The following PCDH15 variants were observed in gnomAD, a reference collection of about 807,000 sequenced individuals.
PCDH15 encodes the protein protocadherin-15.
PCDH15 carries 129 observed loss-of-function variants against 178.5 expected under a neutral mutation model. The ratio of observed to expected loss-of-function variants is 0.72; its 90% CI spans 0.63 to 0.84. The LOEUF is 0.84. Ranked by LOEUF, PCDH15 falls within the 40% of genes least tolerant of loss-of-function variation. The pLI is 0.00. For missense variants in PCDH15, 2,230 were observed against 2,099.9 expected (o/e 1.06, Z -1.21); for synonymous variants, 800 against 732.0 (o/e 1.09, Z -1.50).
intron 2 of PCDH15, among the ~76,000 whole-genome samples, chr10:55,160,086 CGCTACCAGT>C (rs1425847316): frequency 6.6e-6 from 1 of 151,996 alleles, no homozygotes; most frequent in Non-Finnish European, 1.5e-5. Flanking sequence ...GTCTCTGTTT[CGCTACCAGT>C]GAGAAGCGGC....
intron 9 of PCDH15, among the ~76,000 whole-genome samples, chr10:54,226,259 G>C (rs2053435892): frequency 6.6e-6 from 1 of 152,200 alleles, no homozygotes; most frequent in African/African-American, 2.4e-5. Context: ...GGCAAAGAGA[G>C]AGAGAGCTTC....
chr10:54,384,131 G>A (rs1216364501), intron 3 of PCDH15, among the ~76,000 whole-genome samples: 1 of 151,748 alleles, frequency 6.6e-6, no homozygotes, highest in Non-Finnish European at 1.5e-5. Flanking sequence ...ACTGCATCCA[G>A]CCAAAAATAT....
chr10:55,475,399 T>A (rs1209767269), intron 2 of PCDH15, among the ~76,000 whole-genome samples: 1 of 152,194 alleles, frequency 6.6e-6, no homozygotes, highest in African/African-American at 2.4e-5. Context: ...TTATAACAGA[T>A]AAGATGCCCA....
At chr10:55,410,232 G>A (rs1337882147) in intron 2 of PCDH15, among the ~76,000 whole-genome samples, 1 of 152,012 alleles carries the variant, frequency 6.6e-6, no homozygotes, top group African/African-American at 2.4e-5. Flanking sequence ...GAAATATAAT[G>A]TGAATTTTCT....
At chr10:55,234,875 T>C (rs1411427791) in intron 1 of PCDH15, among the ~76,000 whole-genome samples, 2 of 151,428 alleles carry the variant, frequency 1.3e-5, no homozygotes, top group Admixed American at 1.3e-4. Flanking sequence ...TTATATATTA[T>C]TTTTATTATC....
At chr10:54,579,888 A>G (rs772325342) in intron 2 of PCDH15, among the ~76,000 whole-genome samples, 11 of 152,110 alleles carry the variant, frequency 7.2e-5, no homozygotes, top group Non-Finnish European at 1.5e-4. Flanking sequence ...ACTTTCAGAT[A>G]AACAACGATA....
intron 28 of PCDH15, among the ~76,000 whole-genome samples, chr10:53,856,918 G>C (rs2133034955): frequency 6.6e-6 from 1 of 152,100 alleles, no homozygotes; most frequent in Middle Eastern, 3.4e-3. Context: ...CAGACATAAA[G>C]AAAGAAAATA....
intron 2 of PCDH15, among the ~76,000 whole-genome samples, chr10:55,435,872 A>G (rs1839026616): frequency 6.6e-6 from 1 of 152,176 alleles, no homozygotes; most frequent in Non-Finnish European, 1.5e-5. Context: ...AATTACTTGT[A>G]ATAGAGAAAT....
At chr10:55,142,516 T>C (rs1442183225) in intron 2 of PCDH15, among the ~76,000 whole-genome samples, 1 of 151,122 alleles carries the variant, frequency 6.6e-6, no homozygotes, top group Non-Finnish European at 1.5e-5. Context: ...CATTCACAGA[T>C]ATTTTAAACA....
chr10:53,965,869 AT>A (rs879820262), intron 21 of PCDH15, among the ~76,000 whole-genome samples: 2 of 72,950 alleles, frequency 2.7e-5, no homozygotes, highest in East Asian at 8.1e-4. Context: ...TAAAGCCAAA[AT>A]TTTTTTTTGC....
chr10:55,196,914 G>C (rs1319853372), intron 1 of PCDH15, among the ~76,000 whole-genome samples: 3 of 151,894 alleles, frequency 2.0e-5, no homozygotes, highest in Admixed American at 6.6e-5. Flanking sequence ...CTGTGCCATG[G>C]TTATATTGGA....
intron 20 of PCDH15, among the ~76,000 whole-genome samples, chr10:54,004,189 G>A (rs957589737): frequency 9.2e-5 from 14 of 152,002 alleles, no homozygotes; most frequent in African/African-American, 3.4e-4. Flanking sequence ...CATACTGAAT[G>A]AGGAAAAACT....
chr10:55,597,632 A>G (rs1842962701), intron 2 of PCDH15, among the ~76,000 whole-genome samples: 1 of 152,176 alleles, frequency 6.6e-6, no homozygotes, highest in Non-Finnish European at 1.5e-5. Context: ...CCCAGATATT[A>G]TAGTCCTAAA....
chr10:54,589,834 G>A (rs1390995005), intron 2 of PCDH15, among the ~76,000 whole-genome samples: 1 of 152,018 alleles, frequency 6.6e-6, no homozygotes, highest in Non-Finnish European at 1.5e-5. Flanking sequence ...CTGACCTTGT[G>A]ATCTGCCTGC....
intron 3 of PCDH15, among the ~76,000 whole-genome samples, chr10:54,404,434 T>G (rs1952354113): frequency 1.3e-5 from 2 of 152,082 alleles, no homozygotes; most frequent in Admixed American, 1.3e-4. Context: ...GACTCCCTAT[T>G]TAGTAAATGT....
chr10:53,843,886 T>C (rs1283105629), intron 28 of PCDH15, among the ~76,000 whole-genome samples: 4 of 152,018 alleles, frequency 2.6e-5, no homozygotes, highest in African/African-American at 7.2e-5. Flanking sequence ...TCCAGACACA[T>C]GGAATACATC....
At chr10:55,073,602 A>G (rs1397026566) in intron 2 of PCDH15, among the ~76,000 whole-genome samples, 2 of 152,094 alleles carry the variant, frequency 1.3e-5, no homozygotes, top group Non-Finnish European at 2.9e-5. Context: ...ATTGGCCTGT[A>G]GTTTTCTTTC....
intron 25 of PCDH15, among the ~76,000 whole-genome samples, chr10:53,924,749 C>T (rs917267878): frequency 5.9e-5 from 9 of 152,210 alleles, no homozygotes; most frequent in African/African-American, 2.2e-4. Flanking sequence ...CCAATCAACA[C>T]TCTGTATCTA....
chr10:54,128,094 C>A (rs2042128742), intron 15 of PCDH15, among the ~76,000 whole-genome samples: 1 of 152,012 alleles, frequency 6.6e-6, no homozygotes, highest in Admixed American at 6.6e-5. Context: ...GATGAATTAT[C>A]TGTATTGAGG....
Sources: gnomAD v4.1 joint callset for allele counts (sites outside exome capture counted in the v4.1 genomes callset) on GRCh38, gnomAD v4.1.1 for gene constraint, MANE v1.5 for transcripts, NCBI Gene and HGNC (gene_info 2026-07-23, HGNC 2026-07-21) for gene names.